Variants in MAF observed in about 807,000 individuals in gnomAD.
MAF encodes the protein transcription factor Maf.
MAF carries 10 observed loss-of-function variants against 22.0 expected under a neutral mutation model. The ratio of observed to expected loss-of-function variants is 0.45; its 90% confidence interval spans 0.28 to 0.77. MAF has a LOEUF of 0.77. Among genes scored for constraint, MAF ranks in the 30% least tolerant of loss-of-function variants. The pLI, the probability that MAF is intolerant of heterozygous loss-of-function variation, is 0.12. For missense variants in MAF, 544 were observed against 548.4 expected (o/e 0.99, Z 0.08); for synonymous variants, 337 against 255.8 (o/e 1.32, Z -3.03).
At chr16:79,339,294 C>G in the MAF span, among the ~76,000 whole-genome samples, 56 of 152,166 alleles carry the variant, frequency 3.7e-4, no homozygotes, top group Non-Finnish European at 7.5e-4. Flanking sequence ...CTCCTGACCT[C>G]ATGATCCGCC....
chr16:79,416,929 T>C, the MAF span, among the ~76,000 whole-genome samples: 1 of 152,342 alleles, frequency 6.6e-6, no homozygotes, highest in Admixed American at 6.5e-5. Flanking sequence ...GTGATGACTG[T>C]GACAACAATC....
chr16:79,348,845 C>T, the MAF span, among the ~76,000 whole-genome samples: 4 of 152,140 alleles, frequency 2.6e-5, no homozygotes, highest in Non-Finnish European at 4.4e-5. Context: ...GATCCATTCT[C>T]GAGGGGCTAA....
the MAF span, among the ~76,000 whole-genome samples, chr16:79,217,950 C>G: frequency 8.1e-6 from 1 of 123,850 alleles, no homozygotes; most frequent in Admixed American, 1.1e-4. Context: ...ACTGCCCATT[C>G]TGTTCACCAG....
the MAF span, among the ~76,000 whole-genome samples, chr16:79,328,249 A>G: frequency 3.3e-5 from 5 of 152,008 alleles, no homozygotes; most frequent in Non-Finnish European, 7.4e-5. Flanking sequence ...TCCTCATTAT[A>G]TATAAGCTCA....
the MAF span, among the ~76,000 whole-genome samples, chr16:79,400,716 C>A: frequency 1.3e-5 from 2 of 152,344 alleles, no homozygotes; most frequent in South Asian, 2.1e-4. Context: ...GCCTGCAAGG[C>A]GATTTGATAG....
chr16:79,291,708 C>T, the MAF span, among the ~76,000 whole-genome samples: 27 of 150,294 alleles, frequency 1.8e-4, no homozygotes, highest in Non-Finnish European at 2.7e-4. Context: ...CCAAATATGG[C>T]GCTAAAAACT....
chr16:79,491,002 G>A, the MAF span, among the ~76,000 whole-genome samples: 1 of 152,184 alleles, frequency 6.6e-6, no homozygotes, highest in South Asian at 2.1e-4. Context: ...AAATCACGTT[G>A]AGAATCAGAG....
chr16:79,561,885 T>C, the MAF span, among the ~76,000 whole-genome samples: 1 of 152,084 alleles, frequency 6.6e-6, no homozygotes, highest in Admixed American at 6.6e-5. Flanking sequence ...ATACAGAAAA[T>C]ATTTGTTGAG....
chr16:79,316,044 G>C, the MAF span, among the ~76,000 whole-genome samples: 1 of 152,162 alleles, frequency 6.6e-6, no homozygotes, highest in Non-Finnish European at 1.5e-5. Flanking sequence ...GAGAATTGTT[G>C]TCATTTTCAT....
chr16:79,412,015 C>A, the MAF span, among the ~76,000 whole-genome samples: 22,913 of 152,132 alleles, frequency 0.15, 2,114 homozygotes, highest in South Asian at 0.26. Context: ...TCACTTTGTG[C>A]GACACCTTGC....
chr16:79,298,270 C>T, the MAF span, among the ~76,000 whole-genome samples: 5 of 152,206 alleles, frequency 3.3e-5, no homozygotes, highest in Admixed American at 2.0e-4. Flanking sequence ...GAGCAGCCCT[C>T]CTCAGTTCTA....
chr16:79,465,912 A>G, the MAF span, among the ~76,000 whole-genome samples: 2 of 152,216 alleles, frequency 1.3e-5, no homozygotes, highest in East Asian at 3.9e-4. Context: ...TGTTATTATG[A>G]TTATGATGGA....
chr16:79,596,684 CTTT>C (rs1176148304), intron 1 of MAF: 1 of 1,037,844 alleles, frequency 9.6e-7, no homozygotes, highest in Non-Finnish European at 1.2e-6. Flanking sequence ...CTTTTCATTT[CTTT>C]TTAAAGACAG....
the MAF span, among the ~76,000 whole-genome samples, chr16:79,535,586 CTTTTTTTTT>C: frequency 7.7e-6 from 1 of 130,590 alleles, no homozygotes; most frequent in African/African-American, 3.0e-5. Flanking sequence ...ATTGCTTCTT[CTTTTTTTTT>C]TTTTTTTTTC....
chr16:79,216,835 A>C, the MAF span, among the ~76,000 whole-genome samples: 1 of 142,824 alleles, frequency 7.0e-6, no homozygotes, highest in Non-Finnish European at 1.5e-5. Context: ...TTTGAGATGG[A>C]GTCTCGCTCT....
chr16:79,419,547 G>A, the MAF span, among the ~76,000 whole-genome samples: 1 of 152,176 alleles, frequency 6.6e-6, no homozygotes, highest in African/African-American at 2.4e-5. Context: ...ACTGAGCCGG[G>A]CAACTCTCTG....
chr16:79,285,049 A>G, the MAF span, among the ~76,000 whole-genome samples: 3 of 152,166 alleles, frequency 2.0e-5, no homozygotes, highest in Non-Finnish European at 4.4e-5. Flanking sequence ...ATAGTTATTT[A>G]CTATTTGGCT....
At chr16:79,549,658 T>C in the MAF span, among the ~76,000 whole-genome samples, 2 of 152,164 alleles carry the variant, frequency 1.3e-5, no homozygotes, top group African/African-American at 4.8e-5. Context: ...CCCCGTTGGT[T>C]CCATTTTGTC....
chr16:79,379,425 A>G, the MAF span, among the ~76,000 whole-genome samples: 1 of 152,122 alleles, frequency 6.6e-6, no homozygotes, highest in Non-Finnish European at 1.5e-5. Flanking sequence ...ACTATCTTAT[A>G]AAAGTATTTC....
Sources: allele counts gnomAD v4.1 joint callset (sites outside exome capture counted in the v4.1 genomes callset), GRCh38; gene constraint gnomAD v4.1.1; transcripts MANE v1.5; gene names NCBI Gene and HGNC (gene_info 2026-07-23, HGNC 2026-07-21).